The following DMD variants were observed in gnomAD, a reference collection of about 807,000 sequenced individuals.
The protein encoded by DMD is dystrophin, also known as mutant dystrophin.
DMD carries 63 observed loss-of-function variants against 330.1 expected under a neutral mutation model. The ratio of observed to expected loss-of-function variants is 0.19; its 90% CI spans 0.16 to 0.24. DMD has a LOEUF of 0.24. DMD is among the 10% of genes least tolerant of loss of function. DMD has a pLI of 1.00. For missense variants in DMD, 3,344 were observed against 2,684.1 expected (o/e 1.25, Z -5.43); for synonymous variants, 1,223 against 959.8 (o/e 1.27, Z -5.07).
chrX:32,823,701 T>G (rs749165082), intron 4 of DMD, among the ~76,000 whole-genome samples: 2 of 111,621 alleles, frequency 1.8e-5, no homozygotes, highest in African/African-American at 6.5e-5. Context: ...TAGTATGGAA[T>G]TACAACTCAG....
chrX:32,961,217 T>G (rs188200417), intron 2 of DMD, among the ~76,000 whole-genome samples: 4 of 111,630 alleles, frequency 3.6e-5, no homozygotes, highest in Non-Finnish European at 7.5e-5. Flanking sequence ...ATTCATTTAT[T>G]TCCTGCATTA....
At chrX:32,720,492 AT>A (rs772755821) in intron 7 of DMD, among the ~76,000 whole-genome samples, 2 of 111,769 alleles carry the variant, frequency 1.8e-5, no homozygotes, top group African/African-American at 6.5e-5. Context: ...CCCCATGGGG[AT>A]TTTTTTAACG....
In DMD at chrX:31,717,294, T is replaced by C. The variant is rs778633307; in HGVS notation, c.7660+12337A>G. Among the ~76,000 whole-genome samples, 3 of 111,892 alleles carry C rather than the reference T, an allele frequency of 2.7e-5. No homozygotes were observed. In the South Asian group the frequency reaches 1.1e-3, roughly 42 times the overall value. On this transcript the variant is annotated intron_variant, in intron 52 of 78. Coordinates refer to ENST00000357033, the MANE Select transcript of DMD (RefSeq NM_004006.3). ...TCATATTCTGGAGTTCCCTGGAACATGTTTTTAGTTACCAAAATACCAAGC... is the reference window on the plus strand; with the variant it reads ...TCATATTCTGGAGTTCCCTGGAACACGTTTTTAGTTACCAAAATACCAAGC...
At chrX:32,430,820 G>A (rs760507002) in intron 29 of DMD, among the ~76,000 whole-genome samples, 2 of 111,423 alleles carry the variant, frequency 1.8e-5, no homozygotes, top group Admixed American at 9.6e-5. Context: ...GTCTTTCTAT[G>A]TCTGGCTTAC....
intron 9 of DMD, among the ~76,000 whole-genome samples, chrX:32,646,937 G>C (rs1237570357): frequency 9.0e-6 from 1 of 111,139 alleles, no homozygotes; most frequent in Non-Finnish European, 1.9e-5. Context: ...TTGTCTAACA[G>C]TAAGGCAATT....
At chrX:33,222,143 A>C (rs2052193179) in intron 1 of DMD, among the ~76,000 whole-genome samples, 1 of 111,900 alleles carries the variant, frequency 8.9e-6, no homozygotes. Context: ...TACAAATATT[A>C]ATGGAAAATT....
At chrX:32,530,738 G>A (rs1364250272) in intron 17 of DMD, among the ~76,000 whole-genome samples, 2 of 111,797 alleles carry the variant, frequency 1.8e-5, no homozygotes, top group Non-Finnish European at 3.8e-5. Context: ...GATGCCTAAA[G>A]CCTATTTTTC....
intron 52 of DMD, among the ~76,000 whole-genome samples, chrX:31,728,903 AGCT>A (rs2086284631): frequency 9.0e-6 from 1 of 111,190 alleles, no homozygotes; most frequent in Non-Finnish European, 1.9e-5. Flanking sequence ...CTGAAAGCAG[AGCT>A]GACTTGGACC....
chrX:31,263,645 C>A (rs754712107), intron 62 of DMD, among the ~76,000 whole-genome samples: 6 of 111,547 alleles, frequency 5.4e-5, no homozygotes, highest in Non-Finnish European at 1.1e-4. Context: ...GATAAATGAA[C>A]TCCTCAAACA....
At chrX:31,637,824 T>A (rs2079502337) in intron 54 of DMD, among the ~76,000 whole-genome samples, 1 of 111,862 alleles carries the variant, frequency 8.9e-6, no homozygotes, top group Admixed American at 9.5e-5. Context: ...AATTTGAAAA[T>A]ATTATCTTTG....
At chrX:33,325,168 T>C (rs113343194) in intron 1 of DMD, among the ~76,000 whole-genome samples, 80 of 111,940 alleles carry the variant, frequency 7.1e-4, no homozygotes, top group African/African-American at 2.5e-3. Context: ...AATTCCACTA[T>C]GTATAAAAAG....
intron 76 of DMD, among the ~76,000 whole-genome samples, chrX:31,139,799 C>T (rs1236769862): frequency 9.0e-6 from 1 of 110,955 alleles, no homozygotes; most frequent in African/African-American, 3.3e-5. Context: ...CAGAAATCAC[C>T]ACCGAAGAAC....
intron 59 of DMD, among the ~76,000 whole-genome samples, chrX:31,449,763 GAT>G (rs59787771): frequency 0.32 from 19,647 of 61,926 alleles, 2,909 homozygotes; most frequent in Non-Finnish European, 0.4. Context: ...TAAATGGTGT[GAT>G]ATATATATAT....
chrX:31,164,146 T>G (rs1032236895), intron 74 of DMD, among the ~76,000 whole-genome samples: 1 of 111,508 alleles, frequency 9.0e-6, no homozygotes, highest in African/African-American at 3.3e-5. Context: ...TCTTCCGGAG[T>G]TCTACCAAAT....
intron 52 of DMD, among the ~76,000 whole-genome samples, chrX:31,680,297 T>A (rs1026271327): frequency 9.0e-6 from 1 of 111,658 alleles, no homozygotes; most frequent in African/African-American, 3.3e-5. Context: ...ATAAATCACT[T>A]GCTCTTAAAA....
At chrX:32,122,133 G>C (rs2096639246) in intron 44 of DMD, among the ~76,000 whole-genome samples, 2 of 111,329 alleles carry the variant, frequency 1.8e-5, no homozygotes, top group African/African-American at 3.3e-5. Flanking sequence ...GCTGCAGAAG[G>C]GGGCTTTCTA....
chrX:33,077,898 T>C (rs1310912749), intron 1 of DMD, among the ~76,000 whole-genome samples: 1 of 112,423 alleles, frequency 8.9e-6, no homozygotes, highest in Non-Finnish European at 1.9e-5. Context: ...TAAAAACAAA[T>C]CATGATAGAA....
intron 1 of DMD, among the ~76,000 whole-genome samples, chrX:33,085,552 G>A (rs970746319): frequency 1.8e-5 from 2 of 111,737 alleles, no homozygotes; most frequent in African/African-American, 6.5e-5. Flanking sequence ...CAAATGGCAC[G>A]CAATATTAAA....
chrX:32,983,019 G>A (rs1253416926), intron 2 of DMD, among the ~76,000 whole-genome samples: 1 of 111,979 alleles, frequency 8.9e-6, no homozygotes, highest in Non-Finnish European at 1.9e-5. Flanking sequence ...GAAAGAGTTA[G>A]CTCACCTGTC....
Sources: gnomAD v4.1 joint callset for allele counts (sites outside exome capture counted in the v4.1 genomes callset) on GRCh38, gnomAD v4.1.1 for gene constraint, MANE v1.5 for transcripts, NCBI Gene and HGNC (gene_info 2026-07-23, HGNC 2026-07-21) for gene names.